Variants in MAP6D1 observed in about 807,000 individuals in gnomAD.
MAP6D1 encodes MAP6 domain-containing protein 1.
In MAP6D1, 13 loss-of-function variants were observed where a neutral mutation model predicts 17.4. The ratio of observed to expected loss-of-function variants is 0.75; its 90% CI spans 0.49 to 1.19. The LOEUF (loss-of-function observed/expected upper bound fraction) is 1.19. Ranked by LOEUF, MAP6D1 falls within the 50% of genes most tolerant of loss-of-function variation. The pLI is 0.00. For missense variants in MAP6D1, 313 were observed against 312.6 expected (o/e 1.00, Z -0.01); for synonymous variants, 141 against 145.7 (o/e 0.97, Z 0.23).
intron 1 of MAP6D1, among the ~76,000 whole-genome samples, chr3:183,823,607 G>GA (rs1213854672): frequency 1.3e-5 from 2 of 150,664 alleles, no homozygotes; most frequent in African/African-American, 4.9e-5. Context: ...TCTCAAAAAA[G>GA]AAAAAAATCA....
chr3:183,817,678 C>A (rs531120295), intron 2 of MAP6D1, among the ~76,000 whole-genome samples: 1 of 152,202 alleles, frequency 6.6e-6, no homozygotes, highest in African/African-American at 2.4e-5. Context: ...CTGAGATGCC[C>A]CCACTCCCTT....
rs2290567 is a variant in MAP6D1, at chr3:183,818,344, A to C, written c.402-233T>G. ...GCCTGGCCCCTCACCTCAGCGATCC[A>C]CTGGGAAATCTGGGCTCACCCCGGT... On this transcript the variant is annotated intron_variant, in intron 1 of 2. Transcript: ENST00000318631. Among the ~76,000 whole-genome samples the C allele has an allele frequency of 0.011, 1,609 of 152,312 alleles. 64 individuals carry two copies. The East Asian group carries it at 0.14, about 14-fold the overall frequency.
At chr3:183,822,333 C>T (rs934035083) in intron 1 of MAP6D1, among the ~76,000 whole-genome samples, 6 of 151,078 alleles carry the variant, frequency 4.0e-5, no homozygotes, top group Non-Finnish European at 7.4e-5. Context: ...CTCAGCTACT[C>T]GGGAGGCTGA....
intron 1 of MAP6D1, among the ~76,000 whole-genome samples, chr3:183,818,902 A>C (rs1215813906): frequency 6.6e-6 from 1 of 152,166 alleles, no homozygotes; most frequent in Non-Finnish European, 1.5e-5. Flanking sequence ...CGCTAGCTCC[A>C]TGTACCGGGA....
intron 1 of MAP6D1, among the ~76,000 whole-genome samples, chr3:183,823,780 C>T (rs890888131): frequency 6.6e-6 from 1 of 152,048 alleles, no homozygotes; most frequent in Non-Finnish European, 1.5e-5. Flanking sequence ...CAGAGCGAGA[C>T]TCCGTCTCCA....
Position 183,817,168 on chromosome 3 carries a change from C to CT in MAP6D1, c.*187dup. 1.7e-6 allele frequency: 1 copy of CT among 586,522 alleles called. No homozygotes were observed. The highest frequency in any genetic ancestry group is 3.0e-6 in the Non-Finnish European group (1 of 328,520). The allele number at this position is 586,522 out of a possible 1,614,324, so 36.3% of individuals were successfully genotyped here. A position where few individuals can be genotyped will look rare whatever the true frequency, so the allele number is the denominator to read the frequency against. ...TCTCAAGAGGATGCTTGAGGCTGAG[C>CT]TGGGTGTGCCAAGTCCATCGGTGCA... On this transcript the variant is annotated 3_prime_UTR_variant, in exon 3 of 3. Transcript: ENST00000318631.
intron 1 of MAP6D1, among the ~76,000 whole-genome samples, chr3:183,820,761 GC>G (rs1258819376): frequency 2.0e-5 from 3 of 151,840 alleles, no homozygotes; most frequent in Non-Finnish European, 4.4e-5. Context: ...ATAAAAATTA[GC>G]CAGGCATGGT....
At chr3:183,820,780 G>A (rs536330012) in intron 1 of MAP6D1, among the ~76,000 whole-genome samples, 11 of 152,148 alleles carry the variant, frequency 7.2e-5, no homozygotes, top group African/African-American at 2.2e-4. Context: ...GGTGGCGGGC[G>A]CCTGTAGTCC....
At position 183,825,472 on chromosome 3, in the gene MAP6D1, C is replaced by T. The variant is rs1189367126; in HGVS notation, c.76G>A (p.Val26Met). 6.3e-6 allele frequency: 9 copies of T among 1,433,314 alleles called. No homozygotes were observed. Among genetic ancestry groups the T allele is most frequent in the South Asian group, 1.4e-5 (1 of 72,426 alleles). 88.8% of individuals were successfully genotyped at this position (1,433,314 alleles called of 1,614,324 possible). A position where few individuals can be genotyped will look rare whatever the true frequency, so the allele number is the denominator to read the frequency against. The change falls in exon 1 of 3, where the codon GTG (valine) becomes ATG (methionine). Residue 26 changes from valine to methionine, a missense_variant. Transcript: ENST00000318631. ...GAGTAGCCGTGCAGAGTGAGCGGCACCGCCACGTCGGAGCGGTCCAGCTGG... is the reference window on the plus strand; with the variant it reads ...GAGTAGCCGTGCAGAGTGAGCGGCATCGCCACGTCGGAGCGGTCCAGCTGG... ...WNQLDRSDVA[V>M]PLTLHGYSDL...
rs1469088988 is a variant in MAP6D1 at position 183,825,141 on chromosome 3, C to A, written c.401+6G>T. The A allele has an allele frequency of 6.9e-7, 1 of 1,443,546 alleles. No homozygotes were observed. The highest frequency in any genetic ancestry group is 1.4e-5 in the South Asian group (1 of 69,504). The allele number at this position is 1,443,546 out of a possible 1,614,324, so 89.4% of individuals were successfully genotyped here. ...GGACTCGTTGCGGTCCCTACCCAGC[C>A]CATACCTGTACGACGTGGTCACTGC... On this transcript the variant is annotated splice_donor_region_variant and intron_variant, in intron 1 of 2. Coordinates refer to ENST00000318631, the MANE Select transcript of MAP6D1 (RefSeq NM_024871.4).
At position 183,816,327 on chromosome 3, in the gene MAP6D1, A is replaced by C. The variant is rs1727101660; in HGVS notation, c.*1029T>G. On this transcript the variant is annotated 3_prime_UTR_variant, in exon 3 of 3. Transcript: ENST00000318631. The stretch of plus-strand genomic sequence containing the variant: ...GGAAATCCACAAATTTCCTTACTGA[A>C]GACTGTCCTGAGCTTGTACCTCTAA... 6.6e-6 allele frequency: 1 copy of C among 152,234 alleles called. No homozygotes were observed. The highest frequency in any genetic ancestry group is 1.5e-5 in the Non-Finnish European group (1 of 68,044). The allele number at this position is 152,234 out of a possible 1,614,324, so 9.4% of individuals were successfully genotyped here.
In MAP6D1 at chr3:183,825,558, G is replaced by GCGCCCGC. The variant is rs753434568; in HGVS notation, c.-18_-12dup. 1.7e-6 allele frequency: 2 copies of GCGCCCGC among 1,207,066 alleles called. No individual in the cohort carries two copies. Among genetic ancestry groups the GCGCCCGC allele is most frequent in the Non-Finnish European group, 2.1e-6 (2 of 973,906 alleles). 74.8% of individuals were successfully genotyped at this position (1,207,066 alleles called of 1,614,324 possible). A position where few individuals can be genotyped will look rare whatever the true frequency, so the allele number is the denominator to read the frequency against. On this transcript the variant is annotated 5_prime_UTR_variant, in exon 1 of 3. Coordinates refer to ENST00000318631, the MANE Select transcript of MAP6D1 (RefSeq NM_024871.4). ...ACAGGGCCACGCCATGCCAGCCCCG[G>GCGCCCGC]CGCCCGCCGCCCCGCTCCCGGCGCG...
At chr3:183,823,280 CA>C (rs374690421) in intron 1 of MAP6D1, among the ~76,000 whole-genome samples, 30 of 152,114 alleles carry the variant, frequency 2.0e-4, no homozygotes, top group African/African-American at 7.2e-4. Flanking sequence ...AGGTGTGAGC[CA>C]CCATGCCTGG....
intron 1 of MAP6D1, among the ~76,000 whole-genome samples, chr3:183,821,602 G>A (rs1727260389): frequency 7.2e-6 from 1 of 138,580 alleles, no homozygotes; most frequent in South Asian, 2.2e-4. Context: ...CAGGAGTGCA[G>A]TGGCTCTATC....
chr3:183,819,836 G>C (rs888278568), intron 1 of MAP6D1, among the ~76,000 whole-genome samples: 3 of 152,230 alleles, frequency 2.0e-5, no homozygotes. Context: ...GTGAGTCTTC[G>C]TTTCGGGCAC....
Position 183,825,202 on chromosome 3 carries a change from A to C in MAP6D1, c.346T>G (p.Tyr116Asp). ...APPAPGARGV[Y>D]VLPIGDADAA... is the part of the protein sequence containing the mutation. ...TCCGCGTCGCCGATGGGCAGCACGT[A>C]GACCCCGCGGGCGCCGGGCGCAGGT... The change falls in exon 1 of 3, where the codon TAC becomes GAC. Residue 116 changes from tyrosine to aspartate, a missense_variant. Transcript: ENST00000318631. The C allele has an allele frequency of 6.9e-7, 1 of 1,449,454 alleles. No individual in the cohort carries two copies. The highest frequency in any genetic ancestry group is 1.4e-5 in the South Asian group (1 of 70,328). The allele number at this position is 1,449,454 out of a possible 1,614,324, so 89.8% of individuals were successfully genotyped here.
chr3:183,817,494 C>A, intron 2 of MAP6D1, 58 bp from the exon 3 acceptor site: 1 of 1,433,918 alleles, frequency 7.0e-7, no homozygotes, highest in South Asian at 1.3e-5. Context: ...CCCTACTCTT[C>A]CCCACTACCC....
rs1352283808 is a variant in MAP6D1 at position 183,817,350 on chromosome 3, A to G, written c.*6T>C. 6.4e-7 allele frequency: 1 copy of G among 1,562,830 alleles called. No homozygotes were observed. The highest frequency in any genetic ancestry group is 1.2e-5 in the South Asian group (1 of 84,708). On this transcript the variant is annotated 3_prime_UTR_variant, in exon 3 of 3. Coordinates refer to ENST00000318631, the MANE Select transcript of MAP6D1 (RefSeq NM_024871.4). ...GTCGGCAGCCATGGTGTCACGGTGC[A>G]GGCAGTCACACGTTGAGAATCCGGG...
chr3:183,822,221 A>G (rs992575438), intron 1 of MAP6D1, among the ~76,000 whole-genome samples: 4 of 149,098 alleles, frequency 2.7e-5, no homozygotes, highest in Non-Finnish European at 5.9e-5. Flanking sequence ...AGCCTGGGCA[A>G]CATAAACCCC....
Sources: gnomAD v4.1 joint callset for allele counts (sites outside exome capture counted in the v4.1 genomes callset) on GRCh38, gnomAD v4.1.1 for gene constraint, MANE v1.5 for transcripts, NCBI Gene and HGNC (gene_info 2026-07-23, HGNC 2026-07-21) for gene names.